The following GNA14 variants were observed in gnomAD, a reference collection of about 807,000 sequenced individuals.
GNA14 encodes G protein subunit alpha 14.
GNA14 carries 50 observed loss-of-function variants against 42.0 expected under a neutral mutation model. That is an observed-to-expected ratio of 1.19 (90% CI 0.95 to 1.51). GNA14 has a LOEUF of 1.51. Ranked by LOEUF, GNA14 falls within the 40% of genes most tolerant of loss-of-function variation. GNA14 has a pLI of 0.00. For missense variants in GNA14, 473 were observed against 446.2 expected (o/e 1.06, Z -0.54); for synonymous variants, 173 against 163.1 (o/e 1.06, Z -0.46).
At chr9:77,559,603 A>AT (rs142131359) in intron 1 of GNA14, among the ~76,000 whole-genome samples, 2,405 of 152,326 alleles carry the variant, frequency 0.016, 34 homozygotes, top group Non-Finnish European at 0.025. Context: ...GCAAGCTGGC[A>AT]TTAAGGGAAG....
At chr9:77,626,624 G>A (rs1824016576) in intron 1 of GNA14, among the ~76,000 whole-genome samples, 1 of 152,116 alleles carries the variant, frequency 6.6e-6, no homozygotes, top group African/African-American at 2.4e-5. Flanking sequence ...TGAACAACCT[G>A]CTCCTGAATG....
intron 1 of GNA14, among the ~76,000 whole-genome samples, chr9:77,595,046 A>T (rs1456840350): frequency 6.6e-6 from 1 of 152,148 alleles, no homozygotes; most frequent in Non-Finnish European, 1.5e-5. Context: ...CCACTTCCAA[A>T]CAGTCGCACT....
intron 2 of GNA14, among the ~76,000 whole-genome samples, chr9:77,438,643 A>G (rs1000132541): frequency 6.6e-6 from 1 of 152,162 alleles, no homozygotes; most frequent in Non-Finnish European, 1.5e-5. Context: ...AATGGTACAA[A>G]GACTTCTTCT....
intron 1 of GNA14, among the ~76,000 whole-genome samples, chr9:77,615,966 A>G (rs1564067195): frequency 6.6e-6 from 1 of 152,078 alleles, no homozygotes; most frequent in Admixed American, 6.5e-5. Flanking sequence ...GGTCACTGAA[A>G]TACTTCATAT....
chr9:77,636,559 C>T (rs939145871), intron 1 of GNA14, among the ~76,000 whole-genome samples: 2 of 152,150 alleles, frequency 1.3e-5, no homozygotes, highest in African/African-American at 4.8e-5. Context: ...AACTAGGCAT[C>T]TGCATCTGAT....
chr9:77,565,426 T>G (rs1044876995), intron 1 of GNA14, among the ~76,000 whole-genome samples: 1 of 152,192 alleles, frequency 6.6e-6, no homozygotes, highest in Non-Finnish European at 1.5e-5. Context: ...TAAAATATAT[T>G]TAAATCAATT....
At chr9:77,452,054 C>T (rs574284325) in intron 2 of GNA14, among the ~76,000 whole-genome samples, 3 of 152,226 alleles carry the variant, frequency 2.0e-5, no homozygotes, top group Admixed American at 6.5e-5. Context: ...CCAGGGGAAG[C>T]GGATATAACT....
intron 1 of GNA14, among the ~76,000 whole-genome samples, chr9:77,600,406 C>G (rs1330058158): frequency 1.3e-5 from 2 of 152,210 alleles, no homozygotes; most frequent in Non-Finnish European, 2.9e-5. Flanking sequence ...ATTGATTTCT[C>G]CTTTAACTGC....
intron 1 of GNA14, among the ~76,000 whole-genome samples, chr9:77,544,263 T>C (rs976661876): frequency 3.9e-5 from 6 of 152,218 alleles, no homozygotes; most frequent in South Asian, 2.1e-4. Flanking sequence ...AATTCTGTTT[T>C]GGAAAACCCT....
At chr9:77,492,773 A>T (rs1836799176) in intron 2 of GNA14, among the ~76,000 whole-genome samples, 1 of 151,858 alleles carries the variant, frequency 6.6e-6, no homozygotes, top group South Asian at 2.1e-4. Context: ...AGGCCAAGGC[A>T]GGCAGATCAC....
chr9:77,543,073 C>G (rs1453977024), intron 1 of GNA14, among the ~76,000 whole-genome samples: 1 of 152,242 alleles, frequency 6.6e-6, no homozygotes, highest in African/African-American at 2.4e-5. Context: ...ACCTTGGTCC[C>G]ACAGAAGCCT....
intron 1 of GNA14, among the ~76,000 whole-genome samples, chr9:77,611,667 C>T (rs1823733295): frequency 1.3e-5 from 2 of 152,092 alleles, no homozygotes; most frequent in Non-Finnish European, 2.9e-5. Context: ...CCTTTCCAGC[C>T]TTTTTCTTAC....
chr9:77,618,219 G>A (rs1394703465), intron 1 of GNA14, among the ~76,000 whole-genome samples: 1 of 152,062 alleles, frequency 6.6e-6, no homozygotes, highest in Non-Finnish European at 1.5e-5. Context: ...ACATTCTCTT[G>A]ACACTGCTTT....
intron 2 of GNA14, among the ~76,000 whole-genome samples, chr9:77,468,760 A>G (rs1350186440): frequency 2.0e-5 from 3 of 152,162 alleles, no homozygotes; most frequent in Admixed American, 6.5e-5. Flanking sequence ...ATAAAATGGG[A>G]ACATCTTTGT....
intron 1 of GNA14, among the ~76,000 whole-genome samples, chr9:77,609,782 G>A (rs1194286512): frequency 2.6e-5 from 4 of 152,124 alleles, no homozygotes; most frequent in East Asian, 1.9e-4. Context: ...CATGCTGAGC[G>A]CTTTGAACAA....
intron 1 of GNA14, among the ~76,000 whole-genome samples, chr9:77,551,799 A>G (rs1437057019): frequency 6.6e-6 from 1 of 152,118 alleles, no homozygotes; most frequent in African/African-American, 2.4e-5. Context: ...GGTAGAAATC[A>G]TCTTCAGTGA....
intron 2 of GNA14, among the ~76,000 whole-genome samples, chr9:77,480,510 C>CTCT (rs1836524556): frequency 6.6e-6 from 1 of 151,322 alleles, no homozygotes; most frequent in African/African-American, 2.4e-5. Context: ...ATCTAAAATT[C>CTCT]TTTTTGGTTG....
chr9:77,624,704 C>T (rs928075089), intron 1 of GNA14, among the ~76,000 whole-genome samples: 2 of 152,208 alleles, frequency 1.3e-5, no homozygotes, highest in South Asian at 4.2e-4. Context: ...AGAAAACTAA[C>T]AAACAGAAAG....
chr9:77,592,306 G>A (rs1381238583), intron 1 of GNA14, among the ~76,000 whole-genome samples: 2 of 152,194 alleles, frequency 1.3e-5, no homozygotes, highest in Non-Finnish European at 2.9e-5. Context: ...GTGTGTGTGT[G>A]TGCTTACACG....
Sources: gnomAD v4.1 joint callset for allele counts (sites outside exome capture counted in the v4.1 genomes callset) on GRCh38, gnomAD v4.1.1 for gene constraint, MANE v1.5 for transcripts, NCBI Gene and HGNC (gene_info 2026-07-23, HGNC 2026-07-21) for gene names.